Variants in CTNND2 observed in about 807,000 individuals in gnomAD.
CTNND2 encodes the protein catenin delta-2.
A neutral mutation model predicts 144.4 loss-of-function variants in CTNND2; 22 were observed. That is an observed-to-expected ratio of 0.15 (90% confidence interval 0.11 to 0.22). CTNND2 has a LOEUF of 0.22. Ranked by LOEUF, CTNND2 falls within the 10% of genes least tolerant of loss-of-function variation. The probability of loss-of-function intolerance (pLI) is 1.00; values close to 1 mark genes in which losing one functional copy is unlikely to be tolerated. For missense variants in CTNND2, 1,353 were observed against 1,618.8 expected (o/e 0.84, Z 2.82); for synonymous variants, 751 against 695.6 (o/e 1.08, Z -1.25).
chr5:11,690,291 CTAAAAAA>C (rs1368337534), intron 2 of CTNND2, among the ~76,000 whole-genome samples: 3 of 142,790 alleles, frequency 2.1e-5, no homozygotes, highest in African/African-American at 3.1e-5. Flanking sequence ...AAATGTACAA[CTAAAAAA>C]TAAAAACAAA....
At chr5:11,324,684 T>C (rs1031871535) in intron 9 of CTNND2, among the ~76,000 whole-genome samples, 1 of 152,166 alleles carries the variant, frequency 6.6e-6, no homozygotes, top group African/African-American at 2.4e-5. Context: ...AAAGATGAAA[T>C]GCCTGTCTTC....
intron 9 of CTNND2, among the ~76,000 whole-genome samples, chr5:11,328,106 C>T (rs903544695): frequency 5.9e-5 from 9 of 152,116 alleles, no homozygotes; most frequent in African/African-American, 9.6e-5. Context: ...TTTATCAAAG[C>T]GCTAGTGATT....
chr5:11,484,712 G>A (rs1262735848), intron 3 of CTNND2, among the ~76,000 whole-genome samples: 1 of 152,126 alleles, frequency 6.6e-6, no homozygotes, highest in Non-Finnish European at 1.5e-5. Flanking sequence ...GTTTCCATAT[G>A]CATCATATGG....
At chr5:11,715,969 C>G (rs997582932) in intron 2 of CTNND2, among the ~76,000 whole-genome samples, 4 of 152,206 alleles carry the variant, frequency 2.6e-5, no homozygotes, top group Non-Finnish European at 4.4e-5. Context: ...TCCAAACTCT[C>G]TATCGTAGAC....
chr5:11,082,763 A>G lies in CTNND2; in HGVS notation c.2721T>C (p.Arg907=). 1 of 1,614,092 alleles carries G rather than the reference A, an allele frequency of 6.2e-7. No individual in the cohort carries two copies. The highest frequency in any genetic ancestry group is 1.1e-5 in the South Asian group (1 of 91,076). Residue 907 remains arginine, a synonymous_variant, in exon 16 of 22, where the codon CGT becomes CGC. Transcript: ENST00000304623. ...GCGCAGTGGCCACCGCGCACACCACACGGTCATTGTCTATTCGGAGCAGCT... is the reference window on the plus strand; with the variant it reads ...GCGCAGTGGCCACCGCGCACACCACGCGGTCATTGTCTATTCGGAGCAGCT... ...LVELLRIDND[R]VVCAVATALR... is the part of the protein sequence containing the mutation.
intron 1 of CTNND2, among the ~76,000 whole-genome samples, chr5:11,858,190 C>T (rs1795336494): frequency 6.6e-6 from 1 of 152,104 alleles, no homozygotes; most frequent in Non-Finnish European, 1.5e-5. Context: ...CTTATCAATC[C>T]CTAGACACCT....
At chr5:11,543,802 C>T (rs1179735758) in intron 3 of CTNND2, among the ~76,000 whole-genome samples, 1 of 152,134 alleles carries the variant, frequency 6.6e-6, no homozygotes, top group African/African-American at 2.4e-5. Context: ...TAATGATGCT[C>T]TACCCAATAC....
In CTNND2 at chr5:11,704,356, A is replaced by G. The variant is rs553039853; in HGVS notation, c.174+27780T>C. Among the ~76,000 whole-genome samples, 8 of 152,344 alleles carry G rather than the reference A, an allele frequency of 5.3e-5. No individual in the cohort carries two copies. In the East Asian group the frequency reaches 1.4e-3, roughly 26 times the overall value. Reference sequence around the variant, plus strand: ...CCTAATGAGAGCTGAAGTAACACATACCATTTTTCACTTCGGTCAAGAAAC... The same window carrying G: ...CCTAATGAGAGCTGAAGTAACACATGCCATTTTTCACTTCGGTCAAGAAAC... On this transcript the variant is annotated intron_variant, in intron 2 of 21. Transcript: ENST00000304623.
chr5:11,113,740 G>A (rs973402553), intron 13 of CTNND2, among the ~76,000 whole-genome samples: 5 of 152,198 alleles, frequency 3.3e-5, no homozygotes, highest in African/African-American at 9.7e-5. Context: ...GACAGCTAAA[G>A]CTGTGAGTAC....
intron 11 of CTNND2, among the ~76,000 whole-genome samples, chr5:11,170,440 T>G (rs1759784944): frequency 1.3e-5 from 2 of 152,322 alleles, no homozygotes; most frequent in South Asian, 4.1e-4. Flanking sequence ...ACATGATATT[T>G]TGAAGTATAT....
intron 1 of CTNND2, among the ~76,000 whole-genome samples, chr5:11,794,536 T>C (rs952271012): frequency 2.6e-5 from 4 of 152,208 alleles, no homozygotes; most frequent in African/African-American, 7.2e-5. Context: ...TTGTCATCTG[T>C]AGACTCTTCT....
intron 8 of CTNND2, among the ~76,000 whole-genome samples, chr5:11,359,596 T>C (rs571512660): frequency 6.6e-6 from 1 of 152,320 alleles, no homozygotes; most frequent in Admixed American, 6.5e-5. Context: ...GTCTCCCTCT[T>C]GGAGTCCTCG....
chr5:11,576,226 T>C (rs1038745330), intron 2 of CTNND2, among the ~76,000 whole-genome samples: 9 of 152,146 alleles, frequency 5.9e-5, no homozygotes, highest in African/African-American at 1.9e-4. Context: ...TCATACTTGC[T>C]TTCAATCTGT....
intron 10 of CTNND2, among the ~76,000 whole-genome samples, chr5:11,232,974 G>A (rs1741207741): frequency 6.6e-6 from 1 of 152,098 alleles, no homozygotes; most frequent in Non-Finnish European, 1.5e-5. Context: ...ATAAGTGTCT[G>A]GCATTTCCCC....
At chr5:11,318,390 A>G (rs1751709295) in intron 9 of CTNND2, among the ~76,000 whole-genome samples, 1 of 152,116 alleles carries the variant, frequency 6.6e-6, no homozygotes, top group Non-Finnish European at 1.5e-5. Flanking sequence ...CTCTGAATTT[A>G]CAACCACTCC....
chr5:11,227,130 G>A (rs1265837247), intron 10 of CTNND2, among the ~76,000 whole-genome samples: 3 of 152,164 alleles, frequency 2.0e-5, no homozygotes, highest in Admixed American at 6.5e-5. Context: ...AACAATACAA[G>A]TATTCTGTCT....
intron 3 of CTNND2, among the ~76,000 whole-genome samples, chr5:11,428,818 G>A (rs923022798): frequency 3.9e-5 from 6 of 152,096 alleles, no homozygotes; most frequent in South Asian, 2.1e-4. Context: ...TCAATCTACC[G>A]AGTGAATATT....
chr5:11,457,557 T>C (rs764922161), intron 3 of CTNND2, among the ~76,000 whole-genome samples: 8 of 152,186 alleles, frequency 5.3e-5, no homozygotes, highest in African/African-American at 1.7e-4. Context: ...CTCCACTCCA[T>C]AGTTGGCATT....
In CTNND2 at chr5:11,589,107, G is replaced by A; in HGVS notation, c.175-24051C>T. 4.7e-6 allele frequency: 4 copies of A among 855,620 alleles called. No homozygotes were observed. The South Asian group carries it at 1.6e-4, about 34-fold the overall frequency. 53.0% of individuals were successfully genotyped at this position (855,620 alleles called of 1,614,324 possible). A position where few individuals can be genotyped will look rare whatever the true frequency, so the allele number is the denominator to read the frequency against. On this transcript the variant is annotated intron_variant, in intron 2 of 21. Transcript: ENST00000304623. The stretch of plus-strand genomic sequence containing the variant: ...AGAGAAAAGAATAGAGTTCAGCCAG[G>A]CACAAAGGTCTCCATGGCAACAGTG...
Sources: gnomAD v4.1 joint callset for allele counts (sites outside exome capture counted in the v4.1 genomes callset) on GRCh38, gnomAD v4.1.1 for gene constraint, MANE v1.5 for transcripts, NCBI Gene and HGNC (gene_info 2026-07-23, HGNC 2026-07-21) for gene names.